CEBPZOS: variants seen among roughly 807,000 people sequenced by gnomAD.
The protein encoded by CEBPZOS is CEBPZ opposite strand.
CEBPZOS carries 10 observed loss-of-function variants against 4.8 expected under a neutral mutation model. The ratio of observed to expected loss-of-function variants is 2.07; its 90% confidence interval spans 1.28 to 3.52. The LOEUF (loss-of-function observed/expected upper bound fraction) is 3.52. CEBPZOS is among the 30% of genes most tolerant of loss of function. The pLI is 0.00. For synonymous variants in CEBPZOS, 25 were observed against 14.2 expected, an observed-to-expected ratio of 1.77 and a Z score of -1.72; for missense variants, 98 against 43.6, an observed-to-expected ratio of 2.25 and a Z score of -3.51.
intron 4 of CEBPZOS, chr2:37,212,249 C>A: frequency 8.2e-7 from 1 of 1,217,660 alleles, no homozygotes; most frequent in Admixed American, 1.9e-5. Context: ...TCCCCTTTAT[C>A]ATATAGTTCT....
intron 1 of CEBPZOS, among the ~76,000 whole-genome samples, chr2:37,197,662 G>A (rs180701864): frequency 1.3e-5 from 2 of 151,030 alleles, no homozygotes; most frequent in African/African-American, 4.9e-5. Context: ...ACTTGAGGTC[G>A]GAAGTTAGCC....
downstream of CEBPZOS, chr2:37,216,117 A>T (rs776830071): frequency 1.6e-5 from 25 of 1,550,232 alleles, no homozygotes; most frequent in South Asian, 2.7e-4. Flanking sequence ...TTTCAGTTTC[A>T]ACTGTCTAAG....
chr2:37,212,313 G>T (rs1334762860), intron 4 of CEBPZOS: 1 of 1,602,662 alleles, frequency 6.2e-7, no homozygotes, highest in Admixed American at 1.7e-5. Context: ...AAAATAGGAA[G>T]GAGAAGATAG....
intron 1 of CEBPZOS, among the ~76,000 whole-genome samples, chr2:37,197,087 A>G (rs1676981484): frequency 1.3e-5 from 2 of 152,236 alleles, no homozygotes; most frequent in South Asian, 4.1e-4. Context: ...TGTGATGTTA[A>G]CTGCATGACA....
At position 37,204,001 on chromosome 2, in the gene CEBPZOS, A is replaced by C. The variant is rs1401631893; in HGVS notation, c.*2141A>C. On this transcript the variant is annotated 3_prime_UTR_variant, in exon 5 of 5. Transcript: ENST00000402297. ...GTGCTGCTGTGAACAATCATGTACA[A>C]GTCTTTGTATCAGAGCCACTTTTGA... 1.3e-5 allele frequency: 2 copies of C among 152,202 alleles called. No homozygotes were observed. Among genetic ancestry groups the C allele is most frequent in the Non-Finnish European group, 2.9e-5 (2 of 68,040 alleles). 9.4% of individuals were successfully genotyped at this position (152,202 alleles called of 1,614,324 possible).
downstream of CEBPZOS, among the ~76,000 whole-genome samples, chr2:37,207,189 C>T (rs1166655545): frequency 6.6e-6 from 1 of 152,238 alleles, no homozygotes; most frequent in African/African-American, 2.4e-5. Context: ...AGACAGATGG[C>T]AACACAATAA....
At chr2:37,206,143 T>C (rs1446202801), downstream of CEBPZOS, among the ~76,000 whole-genome samples, 2 of 152,226 alleles carry the variant, frequency 1.3e-5, no homozygotes, top group African/African-American at 4.8e-5. Context: ...CATGTTGATC[T>C]GCTGTGCTGA....
At chr2:37,206,034 T>C (rs1203899605), downstream of CEBPZOS, among the ~76,000 whole-genome samples, 1 of 152,216 alleles carries the variant, frequency 6.6e-6, no homozygotes, top group Non-Finnish European at 1.5e-5. Flanking sequence ...GAGATTAGCA[T>C]GTGAATCTCT....
intron 1 of CEBPZOS, chr2:37,198,738 T>G (rs1002928346): frequency 3.3e-5 from 5 of 152,242 alleles, no homozygotes; most frequent in African/African-American, 2.4e-5. Flanking sequence ...CACAAACGCT[T>G]TTTCCTGATT....
chr2:37,214,946 C>A (rs1344434731), downstream of CEBPZOS: 14 of 1,603,746 alleles, frequency 8.7e-6, no homozygotes, highest in Non-Finnish European at 1.2e-5. Context: ...GAACTCCTTA[C>A]TGTTCACTAC....
chr2:37,196,744 C>T (rs1197472444), intron 1 of CEBPZOS: 8 of 152,400 alleles, frequency 5.2e-5, no homozygotes, highest in African/African-American at 1.7e-4. Context: ...GCGCGTGTCG[C>T]CTGCAGGCCC....
downstream of CEBPZOS, chr2:37,213,968 T>C: frequency 1.4e-6 from 2 of 1,408,106 alleles, no homozygotes; most frequent in East Asian, 2.5e-5. Context: ...ATACCTATAA[T>C]ATTCATGTTA....
At chr2:37,204,797 A>C (rs1677474567), downstream of CEBPZOS, 1 of 152,254 alleles carries the variant, frequency 6.6e-6, no homozygotes, top group Non-Finnish European at 1.5e-5. Flanking sequence ...ATCTGCATCC[A>C]AAACTATTAT....
downstream of CEBPZOS, chr2:37,214,993 T>A: frequency 7.9e-7 from 1 of 1,264,432 alleles, no homozygotes; most frequent in Non-Finnish European, 1.2e-6. Flanking sequence ...CATATAGCAA[T>A]CCCCTTTATG....
At chr2:37,211,167 T>A (rs1484316492) in intron 4 of CEBPZOS, 3 of 896,032 alleles carry the variant, frequency 3.3e-6, no homozygotes, top group Non-Finnish European at 5.2e-6. Context: ...AAAATCTTTA[T>A]TCTGATGGTA....
chr2:37,206,102 G>A (rs189203709), downstream of CEBPZOS, among the ~76,000 whole-genome samples: 3 of 152,288 alleles, frequency 2.0e-5, no homozygotes, highest in African/African-American at 7.2e-5. Context: ...AATCTGCTGG[G>A]GCCCTGGAGA....
chr2:37,212,368 A>C lies in CEBPZOS; in HGVS notation c.*3-1069A>C, dbSNP rs781313586. 21 of 1,613,526 alleles carry C rather than the reference A, an allele frequency of 1.3e-5. No homozygotes were observed. In the East Asian group the frequency reaches 4.7e-4, roughly 36 times the overall value. On this transcript the variant is annotated intron_variant, in intron 4 of 4. Coordinates refer to the CEBPZOS transcript ENST00000397064. ...ATCCATATCATCCTTTCCAGAGCTG[A>C]AACAGTTATCATCTTCAAATGTGTC...
chr2:37,211,733 A>AGT, intron 4 of CEBPZOS: 1 of 724,054 alleles, frequency 1.4e-6, no homozygotes, highest in East Asian at 2.9e-5. Context: ...GGCTGACATG[A>AGT]GTATTAATTT....
Position 37,203,615 on chromosome 2 carries a change from T to C in CEBPZOS, c.*1755T>C, listed in dbSNP as rs990142352. On this transcript the variant is annotated 3_prime_UTR_variant, in exon 5 of 5. Transcript: ENST00000402297. ...TACAGATCATAACATTCAGCTGTTT[T>C]AAGTGTATTAACGCATTTTGGTAAA... 6 of 152,248 alleles carry C rather than the reference T, an allele frequency of 3.9e-5. No homozygotes were observed. Among genetic ancestry groups the C allele is most frequent in the African/African-American group, 1.4e-4 (6 of 41,466 alleles). 9.4% of individuals were successfully genotyped at this position (152,248 alleles called of 1,614,324 possible).
Sources: allele counts gnomAD v4.1 joint callset (sites outside exome capture counted in the v4.1 genomes callset), GRCh38; gene constraint gnomAD v4.1.1; transcripts MANE v1.5; gene names NCBI Gene and HGNC (gene_info 2026-07-23, HGNC 2026-07-21).